The following XNDC1N variants were observed in gnomAD, a reference collection of about 807,000 sequenced individuals.
XNDC1N encodes the protein protein XNDC1N.
chr11:71,923,114 G>A, the XNDC1N span, among the ~76,000 whole-genome samples: 3 of 152,206 alleles, frequency 2.0e-5, no homozygotes. Context: ...TTCAACTTCT[G>A]AGAAGACTTC....
At chr11:71,885,136 G>T in the XNDC1N span, among the ~76,000 whole-genome samples, 12 of 151,000 alleles carry the variant, frequency 7.9e-5, 1 homozygote, top group East Asian at 1.9e-3. Context: ...GTCTGTATTG[G>T]GTGTCATATC....
the XNDC1N span, among the ~76,000 whole-genome samples, chr11:71,886,841 G>C: frequency 6.6e-6 from 1 of 152,190 alleles, no homozygotes; most frequent in East Asian, 1.9e-4. Context: ...ATGCCGACCT[G>C]TTTGTCAGCT....
At chr11:71,890,978 G>C in the XNDC1N span, among the ~76,000 whole-genome samples, 1 of 151,946 alleles carries the variant, frequency 6.6e-6, no homozygotes. Flanking sequence ...CATCACAGGA[G>C]GGGTGTACTG....
the XNDC1N span, among the ~76,000 whole-genome samples, chr11:71,891,104 A>T: frequency 6.6e-6 from 1 of 151,866 alleles, no homozygotes; most frequent in African/African-American, 2.4e-5. Flanking sequence ...TCTCCCTCCC[A>T]GGGTATTCAG....
chr11:71,927,189 G>C, the XNDC1N span, among the ~76,000 whole-genome samples: 3 of 152,038 alleles, frequency 2.0e-5, no homozygotes, highest in East Asian at 5.8e-4. Context: ...TGAGACTACA[G>C]TGAGCAGTTA....
the XNDC1N span, among the ~76,000 whole-genome samples, chr11:71,867,494 C>T: frequency 6.6e-6 from 1 of 152,192 alleles, no homozygotes; most frequent in Non-Finnish European, 1.5e-5. Flanking sequence ...TGCCTGTGGA[C>T]CCTGCTGCAG....
chr11:71,876,520 C>T, the XNDC1N span, among the ~76,000 whole-genome samples: 2 of 152,128 alleles, frequency 1.3e-5, no homozygotes, highest in African/African-American at 4.8e-5. Context: ...GCTTCCTGGG[C>T]AGAATTCCAA....
At chr11:71,927,418 G>A in the XNDC1N span, among the ~76,000 whole-genome samples, 1 of 152,088 alleles carries the variant, frequency 6.6e-6, no homozygotes. Flanking sequence ...CTATTTGGGA[G>A]GCTGAGACAT....
the XNDC1N span, among the ~76,000 whole-genome samples, chr11:71,881,470 C>T: frequency 0.037 from 5,668 of 152,176 alleles, 356 homozygotes; most frequent in African/African-American, 0.13. Context: ...TTTGGTTTCT[C>T]CTGAGGCCTG....
the XNDC1N span, among the ~76,000 whole-genome samples, chr11:71,900,442 G>A: frequency 2.6e-5 from 4 of 152,216 alleles, no homozygotes; most frequent in East Asian, 7.7e-4. Flanking sequence ...AGGACAAACA[G>A]GAGAGTGTGG....
At chr11:71,885,857 A>G in the XNDC1N span, among the ~76,000 whole-genome samples, 1 of 151,910 alleles carries the variant, frequency 6.6e-6, no homozygotes, top group Non-Finnish European at 1.5e-5. Flanking sequence ...AATATCAGGC[A>G]TCATTAATCA....
At chr11:71,885,381 C>T in the XNDC1N span, among the ~76,000 whole-genome samples, 1 of 152,156 alleles carries the variant, frequency 6.6e-6, no homozygotes, top group East Asian at 1.9e-4. Flanking sequence ...AGCCCCTCCG[C>T]TTTGGAATGT....
At chr11:71,884,688 G>C in the XNDC1N span, 634 of 1,282,260 alleles carry the variant, frequency 4.9e-4, 5 homozygotes, top group African/African-American at 8.8e-3. Flanking sequence ...AGGTGAAAAT[G>C]AATATAAATT....
the XNDC1N span, among the ~76,000 whole-genome samples, chr11:71,880,288 T>C: frequency 2.6e-5 from 4 of 152,294 alleles, no homozygotes; most frequent in African/African-American, 9.6e-5. Flanking sequence ...AATTTCATCA[T>C]ATGAATTATT....
chr11:71,910,940 AT>A, the XNDC1N span, among the ~76,000 whole-genome samples: 1 of 152,248 alleles, frequency 6.6e-6, no homozygotes, highest in East Asian at 1.9e-4. Context: ...AACTTCTGGC[AT>A]CCCCAGCCCT....
At chr11:71,888,004 C>G in the XNDC1N span, among the ~76,000 whole-genome samples, 2 of 152,264 alleles carry the variant, frequency 1.3e-5, no homozygotes, top group African/African-American at 4.8e-5. Context: ...AGAACTCCCC[C>G]ACCATCTTCG....
the XNDC1N span, among the ~76,000 whole-genome samples, chr11:71,879,139 G>A: frequency 6.6e-6 from 1 of 152,182 alleles, no homozygotes; most frequent in African/African-American, 2.4e-5. Context: ...AAGGGCTAGA[G>A]GTGAAGAGGT....
chr11:71,909,592 A>G, the XNDC1N span, among the ~76,000 whole-genome samples: 4,256 of 152,198 alleles, frequency 0.028, 191 homozygotes, highest in African/African-American at 0.095. Context: ...AATGATAGTC[A>G]GGGGTGGAGA....
the XNDC1N span, among the ~76,000 whole-genome samples, chr11:71,882,365 C>T: frequency 5.9e-5 from 9 of 152,014 alleles, no homozygotes; most frequent in East Asian, 3.8e-4. Context: ...CAAGCAATCT[C>T]GTGCCTCAGC....
Sources: allele counts gnomAD v4.1 joint callset (sites outside exome capture counted in the v4.1 genomes callset), GRCh38; gene constraint gnomAD v4.1.1; transcripts MANE v1.5; gene names NCBI Gene and HGNC (gene_info 2026-07-23, HGNC 2026-07-21).